TMTC1: variants seen among roughly 807,000 people sequenced by gnomAD.
TMTC1 encodes the protein transmembrane O-mannosyltransferase targeting cadherins 1.
TMTC1 carries 73 observed loss-of-function variants against 104.8 expected under a neutral mutation model. The observed-to-expected ratio is 0.70, with a 90% CI of 0.58 to 0.85. TMTC1 has a LOEUF of 0.85. TMTC1 is among the 40% of genes least tolerant of loss of function. The pLI, the probability that TMTC1 is intolerant of heterozygous loss-of-function variation, is 0.00. For synonymous variants in TMTC1, 434 were observed against 428.7 expected (o/e 1.01, Z -0.15); for missense variants, 1,035 against 1,096.1 (o/e 0.94, Z 0.79).
At chr12:29,742,560 A>G (rs191541851) in intron 5 of TMTC1, among the ~76,000 whole-genome samples, 31 of 152,336 alleles carry the variant, frequency 2.0e-4, no homozygotes, top group Middle Eastern at 3.4e-3. Context: ...AAGGTCATCT[A>G]TCTAAAAAGC....
chr12:29,653,654 T>C (rs1234483091), intron 5 of TMTC1, among the ~76,000 whole-genome samples: 1 of 152,198 alleles, frequency 6.6e-6, no homozygotes, highest in African/African-American at 2.4e-5. Context: ...GTTGGAAAAG[T>C]TATTGGTCAG....
At chr12:29,672,543 A>T (rs1940557690) in intron 5 of TMTC1, among the ~76,000 whole-genome samples, 1 of 151,788 alleles carries the variant, frequency 6.6e-6, no homozygotes, top group Non-Finnish European at 1.5e-5. Flanking sequence ...AGATCCAGGC[A>T]GCTTCAATTT....
At chr12:29,661,363 T>C (rs910299277) in intron 5 of TMTC1, 6 of 978,224 alleles carry the variant, frequency 6.1e-6, no homozygotes, top group African/African-American at 1.8e-5. Context: ...ACAAAATACC[T>C]CACAGATCTC....
chr12:29,623,519 A>G (rs921690814), intron 6 of TMTC1, among the ~76,000 whole-genome samples: 1 of 152,226 alleles, frequency 6.6e-6, no homozygotes, highest in Admixed American at 6.5e-5. Flanking sequence ...AAACTGGTTA[A>G]TATTAGTAAA....
chr12:29,546,796 C>T (rs1314951103), intron 10 of TMTC1, among the ~76,000 whole-genome samples: 1 of 152,058 alleles, frequency 6.6e-6, no homozygotes, highest in Non-Finnish European at 1.5e-5. Flanking sequence ...GCAGGAGGAT[C>T]GCTTCAGCCC....
intron 6 of TMTC1, among the ~76,000 whole-genome samples, chr12:29,608,889 T>C (rs1156422824): frequency 6.6e-6 from 1 of 152,094 alleles, no homozygotes; most frequent in Non-Finnish European, 1.5e-5. Flanking sequence ...TTCTGGTTTA[T>C]CCCCTCCTCT....
At chr12:29,626,449 T>C (rs1937998109) in intron 6 of TMTC1, among the ~76,000 whole-genome samples, 1 of 152,142 alleles carries the variant, frequency 6.6e-6, no homozygotes, top group Non-Finnish European at 1.5e-5. Flanking sequence ...CCAGAGTTTC[T>C]TAAGGATGGT....
At chr12:29,649,981 C>T (rs1161446973) in intron 5 of TMTC1, among the ~76,000 whole-genome samples, 1 of 152,146 alleles carries the variant, frequency 6.6e-6, no homozygotes, top group Non-Finnish European at 1.5e-5. Context: ...ATTTTAAGGG[C>T]CATCAGGTAG....
chr12:29,630,869 C>T (rs1316242684), intron 6 of TMTC1, among the ~76,000 whole-genome samples: 1 of 152,002 alleles, frequency 6.6e-6, no homozygotes, highest in African/African-American at 2.4e-5. Context: ...ATTTTTTATT[C>T]CCATCAGTAA....
rs1425994181 is a variant in TMTC1 at position 29,514,585 on chromosome 12, T to C, written c.2327A>G (p.Lys776Arg). Residue 776 changes from lysine to arginine, a missense_variant, in exon 16 of 18, where the codon AAG (lysine) becomes AGG (arginine). Transcript: ENST00000539277. ...GTCCTTTGGTTTCAGCTGGAGAGCC[T>C]TGTCTATAGCATCAAGTGCCTGCAG... ...NHDKALDAID[K>R]ALQLKPKDPK... is the part of the protein sequence containing the mutation. The C allele has an allele frequency of 1.2e-6, 2 of 1,613,754 alleles. No individual in the cohort carries two copies. Among genetic ancestry groups the C allele is most frequent in the South Asian group, 1.1e-5 (1 of 91,042 alleles).
chr12:29,703,626 G>T (rs1167798971), intron 5 of TMTC1, among the ~76,000 whole-genome samples: 1 of 152,176 alleles, frequency 6.6e-6, no homozygotes, highest in African/African-American at 2.4e-5. Flanking sequence ...ATGAGGCAAT[G>T]AGATCTCTAA....
intron 2 of TMTC1, among the ~76,000 whole-genome samples, chr12:29,761,903 G>A (rs1943359291): frequency 6.6e-6 from 1 of 152,046 alleles, no homozygotes; most frequent in Non-Finnish European, 1.5e-5. Flanking sequence ...GGAGGTGGTC[G>A]GACGCAGTGG....
intron 5 of TMTC1, among the ~76,000 whole-genome samples, chr12:29,649,211 C>A (rs1403179201): frequency 6.6e-6 from 1 of 152,170 alleles, no homozygotes; most frequent in African/African-American, 2.4e-5. Flanking sequence ...CCCTCTTTTA[C>A]CTCTTGTGAA....
chr12:29,681,736 A>G (rs1342807718), intron 5 of TMTC1, among the ~76,000 whole-genome samples: 1 of 151,766 alleles, frequency 6.6e-6, no homozygotes, highest in Non-Finnish European at 1.5e-5. Flanking sequence ...GGTGGAATCT[A>G]CAGATTAATA....
intron 5 of TMTC1, among the ~76,000 whole-genome samples, chr12:29,735,292 G>A (rs1245785496): frequency 1.3e-5 from 2 of 152,170 alleles, no homozygotes; most frequent in Non-Finnish European, 2.9e-5. Flanking sequence ...CCATGCTGCA[G>A]GGGCCTGATT....
At chr12:29,515,546 T>C (rs574088534) in intron 15 of TMTC1, among the ~76,000 whole-genome samples, 1 of 152,138 alleles carries the variant, frequency 6.6e-6, no homozygotes, top group East Asian at 1.9e-4. Context: ...GCCTAACAAC[T>C]CTTATTCTTC....
chr12:29,504,619 G>C lies in TMTC1; in HGVS notation c.*2227C>G, dbSNP rs1934533242. On this transcript the variant is annotated 3_prime_UTR_variant, in exon 18 of 18. Transcript: ENST00000539277. ...AAAGGGAAAAGGGGTAGGGAAGGAT[G>C]GGGGAGATAGGAAAGCACCTACAGG... The C allele has an allele frequency of 1.3e-5, 2 of 152,176 alleles. No homozygotes were observed. Among genetic ancestry groups the C allele is most frequent in the Admixed American group, 1.3e-4 (2 of 15,276 alleles). 9.4% of individuals were successfully genotyped at this position (152,176 alleles called of 1,614,324 possible).
At position 29,568,865 on chromosome 12, in the gene TMTC1, G is replaced by A. The variant is rs901244268; in HGVS notation, c.1532+3240C>T. On this transcript the variant is annotated intron_variant, in intron 9 of 17. Transcript: ENST00000539277. ...GGACTTTCTACTCCCATCACACAAGGTAGAATGTTAGAAACCTTCTCCAGG... is the reference window on the plus strand; with the variant it reads ...GGACTTTCTACTCCCATCACACAAGATAGAATGTTAGAAACCTTCTCCAGG... The A allele has an allele frequency of 7.9e-5, 36 of 455,380 alleles. No homozygotes were observed. In the Admixed American group the frequency reaches 8.5e-4, roughly 11 times the overall value. 28.2% of individuals were successfully genotyped at this position (455,380 alleles called of 1,614,324 possible). A position where few individuals can be genotyped will look rare whatever the true frequency, so the allele number is the denominator to read the frequency against.
rs888600780 is a variant in TMTC1 at position 29,504,505 on chromosome 12, C to CT, written c.*2340dup. 1 of 151,978 alleles carries CT rather than the reference C, an allele frequency of 6.6e-6. No individual in the cohort carries two copies. Among genetic ancestry groups the CT allele is most frequent in the Non-Finnish European group, 1.5e-5 (1 of 68,000 alleles). The allele number at this position is 151,978 out of a possible 1,614,324, so 9.4% of individuals were successfully genotyped here. Reference sequence around the variant, plus strand: ...AAGTATCTGATCCAACAAATAATTACTTTTTTAAAAAACAGTGCTTACTTT... The same window carrying CT: ...AAGTATCTGATCCAACAAATAATTACTTTTTTTAAAAAACAGTGCTTACTTT... On this transcript the variant is annotated 3_prime_UTR_variant, in exon 18 of 18. Transcript: ENST00000539277.
Sources: allele counts gnomAD v4.1 joint callset (sites outside exome capture counted in the v4.1 genomes callset), GRCh38; gene constraint gnomAD v4.1.1; transcripts MANE v1.5; gene names NCBI Gene and HGNC (gene_info 2026-07-23, HGNC 2026-07-21).